The following PRAM1 variants were observed in gnomAD, a reference collection of about 807,000 sequenced individuals.
PRAM1 encodes the protein PML-RARA-regulated adapter molecule 1.
Under a neutral mutation model 55.3 loss-of-function variants are expected in PRAM1, and 41 were observed. That is an observed-to-expected ratio of 0.74 (90% CI 0.58 to 0.96). The LOEUF is 0.96. Ranked by LOEUF, PRAM1 falls within the 40% of genes least tolerant of loss-of-function variation. PRAM1 has a pLI of 0.00. For synonymous variants in PRAM1, 401 were observed against 387.1 expected (o/e 1.04, Z -0.42); for missense variants, 898 against 892.7 (o/e 1.01, Z -0.08).
rs1029937494 is a variant in PRAM1, at chr19:8,493,471, G to A, written c.1577-2314C>T. Among the ~76,000 whole-genome samples the A allele has an allele frequency of 2.0e-5, 3 of 152,166 alleles. No homozygotes were observed. The highest frequency in any genetic ancestry group is 6.5e-5 in the Admixed American group (1 of 15,280). ...GGCACTCCAGGGTCCCTGCAAACCCGCCACATTAGAGCACCTCTTGGCACC... is the reference window on the plus strand; with the variant it reads ...GGCACTCCAGGGTCCCTGCAAACCCACCACATTAGAGCACCTCTTGGCACC... On this transcript the variant is annotated intron_variant, in intron 4 of 9. Transcript: ENST00000423345. The surrounding 1 kb of genome is among the most constrained non-coding windows in gnomAD (Gnocchi z 4.1).
rs956868341 is a variant in PRAM1 at position 8,493,911 on chromosome 19, C to T, written c.1577-2754G>A. 2.0e-5 allele frequency among the ~76,000 whole-genome samples: 3 copies of T among 152,126 alleles called. No individual in the cohort carries two copies. Among genetic ancestry groups the T allele is most frequent in the Non-Finnish European group, 4.4e-5 (3 of 68,022 alleles). Reference sequence around the variant, plus strand: ...CTCCTGGATTCAAGCGATCCTCCCACCTCAGCCTCCCCAGAAGCTGGGACT... The same window carrying T: ...CTCCTGGATTCAAGCGATCCTCCCATCTCAGCCTCCCCAGAAGCTGGGACT... On this transcript the variant is annotated intron_variant, in intron 4 of 9. Transcript: ENST00000423345. The surrounding 1 kb of genome is among the most constrained non-coding windows in gnomAD (Gnocchi z 4.1).
chr19:8,498,931 G>A lies in PRAM1; in HGVS notation c.877C>T (p.Leu293Phe). Residue 293 changes from leucine to phenylalanine, a missense_variant, in exon 2 of 10, where the codon CTC becomes TTC. Transcript: ENST00000423345. ...KKPPQPELGD[L>F]TRTSSEPEVS... Reference sequence around the variant, plus strand: ...TCGGGCTCTGAGGAGGTCCTGGTGAGGTCCCCAAGCTCAGGCTGCGGAGGC... The same window carrying A: ...TCGGGCTCTGAGGAGGTCCTGGTGAAGTCCCCAAGCTCAGGCTGCGGAGGC... The A allele has an allele frequency of 6.2e-7, 1 of 1,613,764 alleles. No homozygotes were observed. The highest frequency in any genetic ancestry group is 8.5e-7 in the Non-Finnish European group (1 of 1,179,792).
Position 8,499,622 on chromosome 19 carries a change from A to T in PRAM1, c.186T>A (p.Pro62=). The change falls in exon 2 of 10, where the codon CCT becomes CCA. Residue 62 remains proline, a synonymous_variant. Transcript: ENST00000423345. ...LSEHPKKAPL[P]EFGAVSLKPP... is the part of the protein sequence containing the mutation. ...GCTTCAAGGACACTGCACCAAACTCAGGCAGCGGGGCCTTCTTGGGGTGCT... is the reference window on the plus strand; with the variant it reads ...GCTTCAAGGACACTGCACCAAACTCTGGCAGCGGGGCCTTCTTGGGGTGCT... The T allele has an allele frequency of 6.2e-7, 1 of 1,613,066 alleles. No homozygotes were observed. Among genetic ancestry groups the T allele is most frequent in the East Asian group, 2.2e-5 (1 of 44,846 alleles).
At chr19:8,501,116 T>C (rs1381810330) in intron 1 of PRAM1, among the ~76,000 whole-genome samples, 1 of 132,736 alleles carries the variant, frequency 7.5e-6, no homozygotes, top group Non-Finnish European at 1.6e-5. Flanking sequence ...TTTTTTTTTT[T>C]GAGACGGAGT....
At chr19:8,491,622 A>C (rs1599876771) in intron 4 of PRAM1, 1 of 190,046 alleles carries the variant, frequency 5.3e-6, no homozygotes, top group Middle Eastern at 2.3e-3. Context: ...CTCCCTGCCC[A>C]CCTTCTTCCG....
intron 4 of PRAM1, among the ~76,000 whole-genome samples, chr19:8,494,403 C>T (rs1971669286): frequency 6.6e-6 from 1 of 152,184 alleles, no homozygotes; most frequent in South Asian, 2.1e-4. Flanking sequence ...CACCAGGAAG[C>T]TGTGTGCTCA....
chr19:8,490,540 A>G lies in PRAM1; in HGVS notation c.1907-31T>C, dbSNP rs769414465. On this transcript the variant is annotated intron_variant, in intron 7 of 9. Transcript: ENST00000423345. This position sits in a 1 kb window ranked among gnomAD's most constrained non-coding sequence, Gnocchi z 7.3. ...GAGAGAGTGGGCATGGTGGGTTCTG[A>G]GGCCCAGGGTGGCGGCGGGGACCTC... 9.3e-6 allele frequency: 15 copies of G among 1,605,826 alleles called. No homozygotes were observed. Among genetic ancestry groups the G allele is most frequent in the Non-Finnish European group, 1.2e-5 (14 of 1,176,554 alleles).
At position 8,490,808 on chromosome 19, in the gene PRAM1, T is replaced by C. The variant is rs1443586452; in HGVS notation, c.1744-52A>G. The C allele has an allele frequency of 4.4e-6, 7 of 1,606,806 alleles. No individual in the cohort carries two copies. The East Asian group carries it at 6.7e-5, about 15-fold the overall frequency. On this transcript the variant is annotated intron_variant, in intron 6 of 9. Coordinates refer to ENST00000423345, the MANE Select transcript of PRAM1 (RefSeq NM_032152.5). The surrounding 1 kb of genome is among the most constrained non-coding windows in gnomAD (Gnocchi z 7.3). Reference sequence around the variant, plus strand: ...GCTTGTGCTGCCGCCCTTGGGCCCCTGTCTTCTTTCTGAGCCTGGGATCGG... The same window carrying C: ...GCTTGTGCTGCCGCCCTTGGGCCCCCGTCTTCTTTCTGAGCCTGGGATCGG...
rs570407538 is a variant in PRAM1 at position 8,498,967 on chromosome 19, A to C, written c.841T>G (p.Phe281Val). 9.0e-5 allele frequency: 145 copies of C among 1,613,502 alleles called. No homozygotes were observed. The highest frequency in any genetic ancestry group is 7.2e-5 in the Non-Finnish European group (85 of 1,179,774). ...TCAGGCTGCGGAGGCTTCTTGGGAA[A>C]GTCACTCAGCGGAGGCTGGGAGGCC... ...KKASQPPLSD[F>V]PKKPPQPELG... Residue 281 changes from phenylalanine (F) to valine (V), a missense_variant, in exon 2 of 10, where the codon TTT (phenylalanine) becomes GTT (valine). Transcript: ENST00000423345.
At chr19:8,502,457 A>ACCCCCCCCCCCCCCCCCCCCCCCCCCC in intron 1 of PRAM1, 108 bp downstream of exon 1, 1 of 469,350 alleles carries the variant, frequency 2.1e-6, no homozygotes. Flanking sequence ...TTTCGCAGCC[A>ACCCCCCCCCCCCCCCCCCCCCCCCCCC]CCCCCCGCCC....
chr19:8,496,197 C>T lies in PRAM1; in HGVS notation c.1576+1567G>A, dbSNP rs997605725. 15 of 437,506 alleles carry T rather than the reference C, an allele frequency of 3.4e-5. 1 individual carries two copies. The highest frequency in any genetic ancestry group is 7.4e-5 in the Admixed American group (3 of 40,688). The allele number at this position is 437,506 out of a possible 1,614,324, so 27.1% of individuals were successfully genotyped here. A position where few individuals can be genotyped will look rare whatever the true frequency, so the allele number is the denominator to read the frequency against. ...TTGGTAGGCTGAGGTGGGCGGATCACGAGGTCAGGAGTTCAAGGCCAGCCT... is the reference window on the plus strand; with the variant it reads ...TTGGTAGGCTGAGGTGGGCGGATCATGAGGTCAGGAGTTCAAGGCCAGCCT... On this transcript the variant is annotated intron_variant, in intron 4 of 9. Transcript: ENST00000423345.
chr19:8,491,089 G>A lies in PRAM1; in HGVS notation c.1634+11C>T, dbSNP rs1188280114. On this transcript the variant is annotated intron_variant, in intron 5 of 9. Coordinates refer to ENST00000423345, the MANE Select transcript of PRAM1 (RefSeq NM_032152.5). The stretch of plus-strand genomic sequence containing the variant: ...CGCCCCCCGTCTGCCCACCCCCTCT[G>A]CCCATGGCACCTGAGCGCTGGGTCT... 6.2e-7 allele frequency: 1 copy of A among 1,612,196 alleles called. No homozygotes were observed. Among genetic ancestry groups the A allele is most frequent in the Admixed American group, 1.7e-5 (1 of 60,008 alleles).
At chr19:8,491,472 A>G (rs926365898) in intron 4 of PRAM1, 57 of 465,354 alleles carry the variant, frequency 1.2e-4, no homozygotes, top group East Asian at 5.6e-4. Context: ...ACCTCAGGCA[A>G]TCCACTCGCC....
At position 8,491,106 on chromosome 19, in the gene PRAM1, G is replaced by C. The variant is rs377229945; in HGVS notation, c.1628C>G (p.Ala543Gly). Residue 543 changes from alanine (A) to glycine (G), a missense_variant, in exon 5 of 10, where the codon GCG becomes GGG. Physicochemically the swap from Ala to Gly is moderately conservative, Grantham distance 60. Transcript: ENST00000423345. ...CCCCCTCTGCCCATGGCACCTGAGC[G>C]CTGGGTCTTGTGGTGGCCTCCTGGC... The part of the protein sequence containing the change: ...QAARRPPQDP[A>G]LRKEKDPQPQ... 1.2e-6 allele frequency: 2 copies of C among 1,612,196 alleles called. No homozygotes were observed. Among genetic ancestry groups the C allele is most frequent in the Non-Finnish European group, 1.7e-6 (2 of 1,179,860 alleles).
intron 1 of PRAM1, among the ~76,000 whole-genome samples, chr19:8,501,785 A>T (rs1971810203): frequency 6.6e-6 from 1 of 152,104 alleles, no homozygotes; most frequent in Non-Finnish European, 1.5e-5. Flanking sequence ...AGGAATGCTC[A>T]CAGTTGACAG....
rs1971588502 is a variant in PRAM1, at chr19:8,490,165, G to T, written c.*24C>A. The T allele has an allele frequency of 1.3e-6, 2 of 1,542,908 alleles. No homozygotes were observed. Among genetic ancestry groups the T allele is most frequent in the Non-Finnish European group, 1.8e-6 (2 of 1,142,126 alleles). On this transcript the variant is annotated 3_prime_UTR_variant, in exon 10 of 10. Coordinates refer to ENST00000423345, the MANE Select transcript of PRAM1 (RefSeq NM_032152.5). This position sits in a 1 kb window ranked among gnomAD's most constrained non-coding sequence, Gnocchi z 7.3. ...TGAGCGGGCGCTGGGCTGGCTGGCT[G>T]TCCTGGCCCCACGCCTACCGGTCTT...
chr19:8,497,465 C>T lies in PRAM1; in HGVS notation c.1576+299G>A, dbSNP rs1971714773. Among the ~76,000 whole-genome samples, 3 of 152,166 alleles carry T rather than the reference C, an allele frequency of 2.0e-5. No individual in the cohort carries two copies. The South Asian group carries it at 6.2e-4, about 32-fold the overall frequency. On this transcript the variant is annotated intron_variant, in intron 4 of 9. Transcript: ENST00000423345. ...CCCTGGGATTGGCTCAAACGATCCT[C>T]CTGCCTCGGGCTCCCAAAGCTCTGG...
Position 8,498,978 on chromosome 19 carries a change from G to C in PRAM1, c.830C>G (p.Pro277Arg), listed in dbSNP as rs757546530. 3 of 1,612,996 alleles carry C rather than the reference G, an allele frequency of 1.9e-6. No individual in the cohort carries two copies. The highest frequency in any genetic ancestry group is 1.7e-6 in the Non-Finnish European group (2 of 1,179,624). Residue 277 changes from proline (P) to arginine (R), a missense_variant, in exon 2 of 10, where the codon CCG becomes CGG. By Grantham distance (103) the Pro-to-Arg change is moderately radical. Around this residue, in one of 4 missense-constraint regions of PRAM1, gnomAD observed 787 missense variants for 735.4 expected, o/e 1.07. Transcript: ENST00000423345. The stretch of plus-strand genomic sequence containing the variant: ...AGGCTTCTTGGGAAAGTCACTCAGC[G>C]GAGGCTGGGAGGCCTTTTTGGGAAA... ...SAFPKKASQP[P>R]LSDFPKKPPQ...
In PRAM1 at chr19:8,498,804, T is replaced by C. The variant is rs1166733444; in HGVS notation, c.1004A>G (p.Glu335Gly). ...ELGGLPRTSS[E>G]PEFNSLPRKL... Reference sequence around the variant, plus strand: ...CCTGGGGAGTGAGTTGAACTCGGGCTCTGAGGAGGTCCTGGGGAGGCCGCC... The same window carrying C: ...CCTGGGGAGTGAGTTGAACTCGGGCCCTGAGGAGGTCCTGGGGAGGCCGCC... The change falls in exon 2 of 10, where the codon GAG (glutamate) becomes GGG (glycine). Residue 335 changes from glutamate (E) to glycine (G), a missense_variant. Around this residue, in one of 4 missense-constraint regions of PRAM1, gnomAD observed 787 missense variants for 735.4 expected, o/e 1.07. Coordinates refer to ENST00000423345, the MANE Select transcript of PRAM1 (RefSeq NM_032152.5). 1.3e-6 allele frequency: 2 copies of C among 1,583,420 alleles called. No individual in the cohort carries two copies. Among genetic ancestry groups the C allele is most frequent in the Non-Finnish European group, 1.7e-6 (2 of 1,165,470 alleles).
Sources: allele counts gnomAD v4.1 joint callset (sites outside exome capture counted in the v4.1 genomes callset), GRCh38; gene constraint gnomAD v4.1.1; regional missense constraint gnomAD v4.1.1; non-coding constraint Gnocchi (gnomAD v3.1); transcripts MANE v1.5; gene names NCBI Gene and HGNC (gene_info 2026-07-23, HGNC 2026-07-21).